PIWIL1: variants seen among roughly 807,000 people sequenced by gnomAD.
The protein encoded by PIWIL1 is piwi-like protein 1.
PIWIL1 carries 73 observed loss-of-function variants against 114.4 expected under a neutral mutation model. The ratio of observed to expected loss-of-function variants is 0.64; its 90% CI spans 0.53 to 0.78. PIWIL1 has a LOEUF of 0.78. Ranked by LOEUF, PIWIL1 falls within the 30% of genes least tolerant of loss-of-function variation. PIWIL1 has a pLI of 0.00. For missense variants in PIWIL1, 723 were observed against 1,063.1 expected (o/e 0.68, Z 4.45); for synonymous variants, 375 against 369.0 (o/e 1.02, Z -0.19).
the PIWIL1 span, chr12:130,414,037 A>T: frequency 7.2e-7 from 1 of 1,389,204 alleles, no homozygotes; most frequent in East Asian, 2.3e-5. Flanking sequence ...GCCATCTCTA[A>T]GTCGATACCC....
At chr12:130,369,734 G>T (rs536190467) in intron 19 of PIWIL1, among the ~76,000 whole-genome samples, 3 of 150,928 alleles carry the variant, frequency 2.0e-5, no homozygotes, top group African/African-American at 7.3e-5. Flanking sequence ...ACTTTTTAAT[G>T]TTTTTTTTTC....
the PIWIL1 span, among the ~76,000 whole-genome samples, chr12:130,416,802 A>C: frequency 6.6e-6 from 1 of 152,178 alleles, no homozygotes; most frequent in Non-Finnish European, 1.5e-5. Context: ...GGGAGAAAAT[A>C]TTTGCAAATT....
the PIWIL1 span, among the ~76,000 whole-genome samples, chr12:130,420,491 G>A: frequency 6.6e-6 from 1 of 152,082 alleles, no homozygotes; most frequent in Admixed American, 6.5e-5. The surrounding 1 kb of genome is among the most constrained non-coding windows in gnomAD (Gnocchi z 4.3). Context: ...GAATTCTACG[G>A]CTTCAGAAAA....
At position 130,350,039 on chromosome 12, in the gene PIWIL1, A is replaced by C. The variant is rs540716621; in HGVS notation, c.1044+72A>C. On this transcript the variant is annotated intron_variant, in intron 9 of 20. Transcript: ENST00000245255. ...GGTAGAATTCTCTAACACTTGTTGC[A>C]CATTTGGAACAAGTTGCGTTTAAAG... is the stretch of plus-strand genomic sequence containing the variant. 1.6e-5 allele frequency: 13 copies of C among 821,072 alleles called. No individual in the cohort carries two copies. The South Asian group carries it at 2.1e-4, about 13-fold the overall frequency. 50.9% of individuals were successfully genotyped at this position (821,072 alleles called of 1,614,324 possible). A position where few individuals can be genotyped will look rare whatever the true frequency, so the allele number is the denominator to read the frequency against.
At chr12:130,410,448 T>C in the PIWIL1 span, among the ~76,000 whole-genome samples, 1 of 152,190 alleles carries the variant, frequency 6.6e-6, no homozygotes, top group Non-Finnish European at 1.5e-5. Context: ...TGCCTGATTA[T>C]TATAAAGTTT....
chr12:130,419,194 C>G, the PIWIL1 span, among the ~76,000 whole-genome samples: 4 of 152,160 alleles, frequency 2.6e-5, no homozygotes, highest in Non-Finnish European at 4.4e-5. The surrounding 1 kb of genome is among the most constrained non-coding windows in gnomAD (Gnocchi z 4.3). Flanking sequence ...GTCCCTTGTC[C>G]TTGGTGATGG....
intron 14 of PIWIL1, 58 bp downstream of exon 14, chr12:130,357,611 C>A: frequency 9.2e-7 from 1 of 1,084,810 alleles, no homozygotes; most frequent in Non-Finnish European, 1.4e-6. Flanking sequence ...TCAAAGGGGG[C>A]ATGTGTACAT....
chr12:130,375,045 G>A (rs1194104560), downstream of PIWIL1, among the ~76,000 whole-genome samples: 2 of 151,802 alleles, frequency 1.3e-5, no homozygotes, highest in African/African-American at 4.8e-5. Flanking sequence ...CCGCAAAAAA[G>A]AAACCACTCG....
At chr12:130,393,642 AGACC>A in the PIWIL1 span, among the ~76,000 whole-genome samples, 4 of 150,340 alleles carry the variant, frequency 2.7e-5, no homozygotes, top group Admixed American at 2.0e-4. Flanking sequence ...TGATTTCACT[AGACC>A]GGTATTGGAT....
chr12:130,344,115 A>G (rs1266781310), intron 3 of PIWIL1, among the ~76,000 whole-genome samples: 1 of 152,258 alleles, frequency 6.6e-6, no homozygotes, highest in Non-Finnish European at 1.5e-5. Flanking sequence ...GTATATCTCA[A>G]GCAGAACTGA....
intron 4 of PIWIL1, 122 bp from the exon 5 acceptor site, chr12:130,346,248 C>G (rs2073064617): frequency 1.4e-6 from 1 of 696,706 alleles, no homozygotes; most frequent in Non-Finnish European, 2.4e-6. Context: ...TGAGGACTTT[C>G]ATGTTGTCTG....
In PIWIL1 at chr12:130,346,477, G is replaced by A; in HGVS notation, c.424G>A (p.Ala142Thr). The A allele has an allele frequency of 6.2e-7, 1 of 1,613,826 alleles. No individual in the cohort carries two copies. The highest frequency in any genetic ancestry group is 8.5e-7 in the Non-Finnish European group (1 of 1,179,694). The change falls in exon 5 of 21, where the codon GCC (alanine) becomes ACC (threonine). Residue 142 changes from alanine to threonine, a missense_variant. By Grantham distance (58) the Ala-to-Thr change is moderately conservative. Coordinates refer to ENST00000245255, the MANE Select transcript of PIWIL1 (RefSeq NM_004764.5). ...CATTGACTATAACCCACTGATGGAAGCCAGAAGACTCCGTTCAGCTCTTCT... is the reference window on the plus strand; with the variant it reads ...CATTGACTATAACCCACTGATGGAAACCAGAAGACTCCGTTCAGCTCTTCT... Reference protein sequence around the residue: ...YHIDYNPLMEARRLRSALLFQ... With the variant: ...YHIDYNPLMETRRLRSALLFQ...
intron 19 of PIWIL1, among the ~76,000 whole-genome samples, chr12:130,368,775 A>G (rs973084727): frequency 1.7e-4 from 26 of 152,202 alleles, no homozygotes; most frequent in African/African-American, 6.3e-4. Flanking sequence ...AAATTGGGTA[A>G]AATCCCAGTT....
chr12:130,391,438 A>C, the PIWIL1 span, among the ~76,000 whole-genome samples: 3 of 152,184 alleles, frequency 2.0e-5, no homozygotes, highest in Non-Finnish European at 4.4e-5. Context: ...GTGACTGCTC[A>C]TCAAATGCTA....
At chr12:130,372,762 G>A (rs529702375), downstream of PIWIL1, 3 of 152,116 alleles carry the variant, frequency 2.0e-5, no homozygotes, top group South Asian at 4.2e-4. Context: ...CACAGACTAA[G>A]AAGTCTGTGG....
In PIWIL1 at chr12:130,338,126, G is replaced by T; in HGVS notation, c.-33G>T. On this transcript the variant is annotated 5_prime_UTR_variant, in exon 1 of 21. The change creates a new upstream start codon in the 5' untranslated region. Transcript: ENST00000245255. ...GGCTGAGGTGCAAGGACCAGGACTA[G>T]GGCGAGGGCAGCGGTCCAAGGTGCG... The T allele has an allele frequency of 3.3e-6, 1 of 300,794 alleles. No homozygotes were observed. 18.6% of individuals were successfully genotyped at this position (300,794 alleles called of 1,614,324 possible).
intron 17 of PIWIL1, 36 bp from the exon 18 acceptor site, chr12:130,362,955 C>T: frequency 6.2e-7 from 1 of 1,612,140 alleles, no homozygotes; most frequent in Non-Finnish European, 8.5e-7. Flanking sequence ...GTGTCGTAGG[C>T]ATGAATTGAC....
intron 5 of PIWIL1, 142 bp from the exon 6 acceptor site, chr12:130,346,798 CT>C: frequency 9.1e-7 from 1 of 1,093,708 alleles, no homozygotes. Flanking sequence ...CTTAGCCACT[CT>C]TTTTCTCAGA....
chr12:130,423,108 A>C, the PIWIL1 span, among the ~76,000 whole-genome samples: 1 of 152,250 alleles, frequency 6.6e-6, no homozygotes, highest in Non-Finnish European at 1.5e-5. Context: ...TCTAGGACTC[A>C]GACGGGTCTC....
Sources: gnomAD v4.1 joint callset for allele counts (sites outside exome capture counted in the v4.1 genomes callset) on GRCh38, gnomAD v4.1.1 for gene constraint, Gnocchi (gnomAD v3.1) non-coding constraint, MANE v1.5 for transcripts, NCBI Gene and HGNC (gene_info 2026-07-23, HGNC 2026-07-21) for gene names.